Variants in ABL1 observed in about 807,000 individuals in gnomAD.
ABL1 encodes ABL proto-oncogene 1, non-receptor tyrosine kinase, also known as tyrosine-protein kinase ABL1.
Under a neutral mutation model 94.7 loss-of-function variants are expected in ABL1, and 11 were observed. That is an observed-to-expected ratio of 0.12 (90% CI 0.07 to 0.19). The LOEUF is 0.19. Ranked by LOEUF, ABL1 falls within the 10% of genes least tolerant of loss-of-function variation. The pLI is 1.00. For synonymous variants in ABL1, 656 were observed against 622.4 expected, an observed-to-expected ratio of 1.05 and a Z score of -0.80; for missense variants, 1,082 against 1,489.4, an observed-to-expected ratio of 0.73 and a Z score of 4.50.
At chr9:130,787,417 C>A (rs1829843853) in intron 1 of ABL1, among the ~76,000 whole-genome samples, 1 of 152,072 alleles carries the variant, frequency 6.6e-6, no homozygotes, top group Admixed American at 6.5e-5. Context: ...TCCCCCCAAC[C>A]CCACCCGAAG....
intron 1 of ABL1, among the ~76,000 whole-genome samples, chr9:130,715,909 G>T (rs557350154): frequency 6.6e-6 from 1 of 152,042 alleles, no homozygotes; most frequent in East Asian, 1.9e-4. Context: ...TGCAGTAATG[G>T]TACAAAAGTA....
chr9:130,810,353 G>A (rs1278900023), intron 1 of ABL1, among the ~76,000 whole-genome samples: 1 of 152,070 alleles, frequency 6.6e-6, no homozygotes, highest in Admixed American at 6.6e-5. Flanking sequence ...AAAATTAGCT[G>A]GGTGTGGTAG....
intron 1 of ABL1, among the ~76,000 whole-genome samples, chr9:130,810,145 A>G (rs1214280596): frequency 6.6e-6 from 1 of 152,230 alleles, no homozygotes. Context: ...AGTCATTATA[A>G]TTGTATTCCA....
At chr9:130,815,491 C>T (rs558267182) in intron 1 of ABL1, among the ~76,000 whole-genome samples, 3 of 152,182 alleles carry the variant, frequency 2.0e-5, no homozygotes, top group South Asian at 2.1e-4. Context: ...TGTCAAACCC[C>T]GTACCAGTCT....
rs756682519 is a variant in ABL1 at position 130,835,419 on chromosome 9, C to T, written c.-28C>T. 47 of 1,343,024 alleles carry T rather than the reference C, an allele frequency of 3.5e-5. 1 individual carries two copies. In the South Asian group the frequency reaches 4.5e-4, roughly 13 times the overall value. 83.2% of individuals were successfully genotyped at this position (1,343,024 alleles called of 1,614,324 possible). On this transcript the variant is annotated 5_prime_UTR_variant, in exon 1 of 11. Transcript: ENST00000318560. The surrounding 1 kb of genome is among the most constrained non-coding windows in gnomAD (Gnocchi z 4.6). ...CGCGGACCGAGCTGGGAGAGGGGTTCCGGCCCCCGACGTGCTGGCGCGGGA... is the reference window on the plus strand; with the variant it reads ...CGCGGACCGAGCTGGGAGAGGGGTTTCGGCCCCCGACGTGCTGGCGCGGGA...
At chr9:130,830,325 TGTCATTTGAAGGACA>T (rs1318728531), upstream of ABL1, among the ~76,000 whole-genome samples, 2 of 152,310 alleles carry the variant, frequency 1.3e-5, no homozygotes, top group Admixed American at 6.5e-5. Context: ...GAAAAATCAG[TGTCATTTGAAGGACA>T]GTCATCTGTG....
rs534367049 is a variant in ABL1, at chr9:130,771,244, A to G, written c.136+56789A>G. On this transcript the variant is annotated intron_variant, in intron 1 of 10. Transcript: ENST00000372348. ...TGTATGTATGTATGTGTGTGTGTGT[A>G]TGTATGTATGTATGTATGTATGTAG... 4.6e-3 allele frequency among the ~76,000 whole-genome samples: 692 copies of G among 151,230 alleles called. 6 individuals are homozygous for G. Among genetic ancestry groups the G allele is most frequent in the African/African-American group, 0.015 (633 of 41,198 alleles).
chr9:130,822,595 G>A (rs1213469202), intron 1 of ABL1, among the ~76,000 whole-genome samples: 1 of 151,728 alleles, frequency 6.6e-6, no homozygotes, highest in African/African-American at 2.4e-5. Context: ...TATAGCTATT[G>A]GAATGGGTGT....
At chr9:130,791,824 C>T (rs566651212) in intron 1 of ABL1, among the ~76,000 whole-genome samples, 1 of 152,128 alleles carries the variant, frequency 6.6e-6, no homozygotes. Context: ...GCTTGCAGAC[C>T]TCATATCGTG....
At chr9:130,744,658 C>A (rs1254734702) in intron 1 of ABL1, among the ~76,000 whole-genome samples, 1 of 150,316 alleles carries the variant, frequency 6.7e-6, no homozygotes, top group Non-Finnish European at 1.5e-5. Flanking sequence ...CGAGACCATC[C>A]TGGCTAATGT....
intron 1 of ABL1, among the ~76,000 whole-genome samples, chr9:130,715,590 A>G (rs2132663690): frequency 6.6e-6 from 1 of 152,328 alleles, no homozygotes; most frequent in South Asian, 2.1e-4. Context: ...GCAGGCAAAT[A>G]TGGTAATGTG....
chr9:130,721,705 G>C (rs1011936472), intron 1 of ABL1, among the ~76,000 whole-genome samples: 8 of 151,820 alleles, frequency 5.3e-5, no homozygotes, highest in African/African-American at 1.5e-4. Context: ...GTGAGACCCT[G>C]TCTCAAAATA....
chr9:130,881,923 T>C (rs1831463009), intron 10 of ABL1, among the ~76,000 whole-genome samples: 1 of 151,362 alleles, frequency 6.6e-6, no homozygotes, highest in African/African-American at 2.4e-5. Context: ...ATATATATGG[T>C]ATATAAAGTA....
In ABL1 at chr9:130,862,421, G is replaced by A. The variant is rs1023030376; in HGVS notation, c.550-342G>A. Among the ~76,000 whole-genome samples, 1 of 152,168 alleles carries A rather than the reference G, an allele frequency of 6.6e-6. No individual in the cohort carries two copies. Among genetic ancestry groups the A allele is most frequent in the Non-Finnish European group, 1.5e-5 (1 of 68,044 alleles). On this transcript the variant is annotated intron_variant, in intron 3 of 10. Coordinates refer to ENST00000318560, the MANE Select transcript of ABL1 (RefSeq NM_005157.6). This position sits in a 1 kb window ranked among gnomAD's most constrained non-coding sequence, Gnocchi z 5.5. Reference sequence around the variant, plus strand: ...CCGTGCCGTGTGATGACTTTAGATTGGGTGGTTGGGGAAGACTTCACGGAC... The same window carrying A: ...CCGTGCCGTGTGATGACTTTAGATTAGGTGGTTGGGGAAGACTTCACGGAC...
chr9:130,752,483 G>T (rs1218702665), intron 1 of ABL1, among the ~76,000 whole-genome samples: 2 of 152,160 alleles, frequency 1.3e-5, no homozygotes, highest in African/African-American at 4.8e-5. Flanking sequence ...GTTGCTATGA[G>T]GGTGAAGTAT....
intron 1 of ABL1, among the ~76,000 whole-genome samples, chr9:130,850,946 G>A (rs938712521): frequency 1.3e-5 from 2 of 151,058 alleles, no homozygotes; most frequent in African/African-American, 2.4e-5. Flanking sequence ...GTTTTTTTGA[G>A]AGAGTCTCGC....
rs746164843 is a variant in ABL1, at chr9:130,885,485, G to A, written c.3195G>A (p.Thr1065=). 26 of 1,613,986 alleles carry A rather than the reference G, an allele frequency of 1.6e-5. No homozygotes were observed. The African/African-American group carries it at 2.1e-4, about 13-fold the overall frequency. ...TGGAGGCCGGCAAAAACCTCTACAC[G>A]TTCTGCGTGAGCTATGTGGATTCCA... ...AVLEAGKNLY[T]FCVSYVDSIQ... is the part of the protein sequence containing the mutation. Residue 1065 remains threonine, a synonymous_variant, in exon 11 of 11, where the codon ACG becomes ACA. Transcript: ENST00000318560.
intron 4 of ABL1, among the ~76,000 whole-genome samples, chr9:130,870,971 C>T (rs986813491): frequency 6.6e-6 from 1 of 152,138 alleles, no homozygotes; most frequent in Non-Finnish European, 1.5e-5. Context: ...GCAAGCAGGA[C>T]CATCAGGACA....
intron 1 of ABL1, among the ~76,000 whole-genome samples, chr9:130,798,500 G>T (rs1193382756): frequency 6.6e-6 from 1 of 152,108 alleles, no homozygotes; most frequent in African/African-American, 2.4e-5. Context: ...GAGATGGAGT[G>T]GTATTTTCCA....
Sources: allele counts gnomAD v4.1 joint callset (sites outside exome capture counted in the v4.1 genomes callset), GRCh38; gene constraint gnomAD v4.1.1; non-coding constraint Gnocchi (gnomAD v3.1); transcripts MANE v1.5; gene names NCBI Gene and HGNC (gene_info 2026-07-23, HGNC 2026-07-21).